The following ATXN1 variants were observed in gnomAD, a reference collection of about 807,000 sequenced individuals.
ATXN1 encodes ataxin 1, also known as ataxin-1.
In ATXN1, 8 loss-of-function variants were observed where a neutral mutation model predicts 56.4. The observed-to-expected ratio is 0.14, with a 90% CI of 0.08 to 0.26. The LOEUF (loss-of-function observed/expected upper bound fraction) is 0.26, where lower values mean the gene tolerates loss of function less well. Among genes scored for constraint, ATXN1 ranks in the 10% least tolerant of loss-of-function variants. ATXN1 has a pLI of 1.00. For synonymous variants in ATXN1, 514 were observed against 494.6 expected (o/e 1.04, Z -0.52); for missense variants, 987 against 1,106.5 (o/e 0.89, Z 1.53).
rs537955686 is a variant in ATXN1 at position 16,643,185 on chromosome 6, G to A, written c.-489+14591C>T. Among the ~76,000 whole-genome samples the A allele has an allele frequency of 2.0e-3, 307 of 151,784 alleles. 2 individuals are homozygous for A. Among genetic ancestry groups the A allele is most frequent in the African/African-American group, 6.6e-3 (271 of 41,344 alleles). ...CTTGGGAGGCTTGAACCCAGGAGGC[G>A]GAGCTTGCAGTGAGCAGAGATCGTG... On this transcript the variant is annotated intron_variant, in intron 3 of 7. Coordinates refer to ENST00000436367, the MANE Select transcript of ATXN1 (RefSeq NM_001128164.2).
At chr6:16,595,809 G>A (rs1320324719) in intron 3 of ATXN1, among the ~76,000 whole-genome samples, 1 of 151,240 alleles carries the variant, frequency 6.6e-6, no homozygotes, top group East Asian at 1.9e-4. Context: ...GAGATTTTTT[G>A]GTGACTATCA....
chr6:16,588,062 T>TA (rs1762659758), intron 3 of ATXN1, among the ~76,000 whole-genome samples: 1 of 71,184 alleles, frequency 1.4e-5, no homozygotes, highest in Non-Finnish European at 3.6e-5. Flanking sequence ...GAATAGATTC[T>TA]GCCTCACCTA....
intron 5 of ATXN1, among the ~76,000 whole-genome samples, chr6:16,517,150 A>G (rs1426117829): frequency 6.6e-6 from 1 of 152,262 alleles, no homozygotes; most frequent in Non-Finnish European, 1.5e-5. Flanking sequence ...CATGGCCTTG[A>G]TTCTGTGTCA....
intron 6 of ATXN1, among the ~76,000 whole-genome samples, chr6:16,465,370 T>C (rs1411180561): frequency 2.0e-5 from 3 of 152,154 alleles, no homozygotes; most frequent in East Asian, 1.9e-4. Context: ...GGCAGGAGAA[T>C]TGCTTGAACC....
rs1761024543 is a variant in ATXN1 at position 16,760,027 on chromosome 6, C to A, written c.-730+1271G>T. Among the ~76,000 whole-genome samples the A allele has an allele frequency of 6.6e-6, 1 of 152,008 alleles. No individual in the cohort carries two copies. Among genetic ancestry groups the A allele is most frequent in the Non-Finnish European group, 1.5e-5 (1 of 67,964 alleles). On this transcript the variant is annotated intron_variant, in intron 1 of 7. Transcript: ENST00000436367. This position sits in a 1 kb window ranked among gnomAD's most constrained non-coding sequence, Gnocchi z 5.3. ...ACACAGTCACTCACACACTCACTCA[C>A]ACTCACGCCGCGCTCCGACACCGCC...
At chr6:16,709,316 G>C (rs1759476080) in intron 2 of ATXN1, among the ~76,000 whole-genome samples, 1 of 151,874 alleles carries the variant, frequency 6.6e-6, no homozygotes, top group South Asian at 2.1e-4. Flanking sequence ...TCACAACTTG[G>C]ATGAAATAAA....
In ATXN1 at chr6:16,328,356, G is replaced by C. The variant is rs1436314006; in HGVS notation, c.-46C>G. On this transcript the variant is annotated 5_prime_UTR_variant, in exon 7 of 8. Transcript: ENST00000436367. The surrounding 1 kb of genome is among the most constrained non-coding windows in gnomAD (Gnocchi z 6.2). ...CGGTGACTGTTTCACTGTCTGGATGGCTCTGATTTTAGTCTGATAAACGGA... is the reference window on the plus strand; with the variant it reads ...CGGTGACTGTTTCACTGTCTGGATGCCTCTGATTTTAGTCTGATAAACGGA... 4 of 1,472,006 alleles carry C rather than the reference G, an allele frequency of 2.7e-6. No homozygotes were observed. The African/African-American group carries it at 4.2e-5, about 15-fold the overall frequency. 91.2% of individuals were successfully genotyped at this position (1,472,006 alleles called of 1,614,324 possible).
At chr6:16,486,444 A>G (rs1342454417) in intron 5 of ATXN1, among the ~76,000 whole-genome samples, 2 of 152,192 alleles carry the variant, frequency 1.3e-5, no homozygotes, top group Non-Finnish European at 2.9e-5. Context: ...TGCCACTGTC[A>G]TATCTTACTG....
At chr6:16,483,693 C>A (rs1401911279) in intron 6 of ATXN1, among the ~76,000 whole-genome samples, 3 of 152,244 alleles carry the variant, frequency 2.0e-5, no homozygotes, top group Non-Finnish European at 4.4e-5. Flanking sequence ...AAAGTGTACA[C>A]TTCAGAAGTC....
At chr6:16,325,065 C>A (rs1434045604) in intron 7 of ATXN1, among the ~76,000 whole-genome samples, 1 of 151,948 alleles carries the variant, frequency 6.6e-6, no homozygotes, top group Non-Finnish European at 1.5e-5. Context: ...CCAGAGCCCA[C>A]TCCCCAGCAG....
intron 2 of ATXN1, among the ~76,000 whole-genome samples, chr6:16,718,040 G>C (rs981885224): frequency 1.3e-5 from 2 of 152,230 alleles, no homozygotes; most frequent in African/African-American, 4.8e-5. Context: ...GTAAATAAGA[G>C]CAACAGCCAA....
intron 6 of ATXN1, among the ~76,000 whole-genome samples, chr6:16,459,253 A>C (rs1480130682): frequency 6.6e-6 from 1 of 152,210 alleles, no homozygotes; most frequent in Non-Finnish European, 1.5e-5. Flanking sequence ...TCAACCCTGA[A>C]GTCTGGGCAT....
chr6:16,526,209 T>C (rs1761392055), intron 4 of ATXN1, among the ~76,000 whole-genome samples: 1 of 151,698 alleles, frequency 6.6e-6, no homozygotes, highest in African/African-American at 2.4e-5. Context: ...ACTGAAAGAG[T>C]ATTACATTGA....
At chr6:16,421,274 A>T (rs2113565908) in intron 6 of ATXN1, among the ~76,000 whole-genome samples, 1 of 152,308 alleles carries the variant, frequency 6.6e-6, no homozygotes, top group African/African-American at 2.4e-5. Context: ...GATTATTCAA[A>T]CTGAAACCAA....
At chr6:16,494,846 C>T (rs754207762) in intron 5 of ATXN1, among the ~76,000 whole-genome samples, 2 of 152,116 alleles carry the variant, frequency 1.3e-5, no homozygotes, top group Non-Finnish European at 2.9e-5. Flanking sequence ...TTGTTCAACA[C>T]GCAGGTCCTT....
chr6:16,465,148 G>A (rs1760077867), intron 6 of ATXN1, among the ~76,000 whole-genome samples: 1 of 152,204 alleles, frequency 6.6e-6, no homozygotes, highest in South Asian at 2.1e-4. Flanking sequence ...ATACTAGCTA[G>A]AGCCAAGTGG....
chr6:16,738,885 T>C (rs756042169), intron 2 of ATXN1: 3 of 152,238 alleles, frequency 2.0e-5, no homozygotes, highest in Non-Finnish European at 4.4e-5. Context: ...TCTAGTTAAA[T>C]GAAAGCTATT....
intron 4 of ATXN1, among the ~76,000 whole-genome samples, chr6:16,579,367 A>C (rs1028191650): frequency 1.3e-5 from 2 of 151,292 alleles, no homozygotes; most frequent in African/African-American, 2.4e-5. Flanking sequence ...TTAAAGCATC[A>C]AGGTTGCAAA....
chr6:16,704,197 A>C (rs1455203589), intron 2 of ATXN1, among the ~76,000 whole-genome samples: 1 of 152,128 alleles, frequency 6.6e-6, no homozygotes, highest in East Asian at 1.9e-4. Flanking sequence ...CATGGAATTT[A>C]TTTTCATTTC....
Sources: gnomAD v4.1 joint callset for allele counts (sites outside exome capture counted in the v4.1 genomes callset) on GRCh38, gnomAD v4.1.1 for gene constraint, Gnocchi (gnomAD v3.1) non-coding constraint, MANE v1.5 for transcripts, NCBI Gene and HGNC (gene_info 2026-07-23, HGNC 2026-07-21) for gene names.